Variants in IDH1 observed in about 807,000 individuals in gnomAD.
IDH1 encodes isocitrate dehydrogenase (NADP(+)) 1.
A neutral mutation model predicts 46.1 loss-of-function variants in IDH1; 33 were observed. That is an observed-to-expected ratio of 0.72 (90% CI 0.54 to 0.96). The LOEUF (loss-of-function observed/expected upper bound fraction) is 0.96. Among genes scored for constraint, IDH1 ranks in the 40% least tolerant of loss-of-function variants. The pLI is 0.00. For missense variants in IDH1, 421 were observed against 515.7 expected (o/e 0.82, Z 1.78); for synonymous variants, 144 against 172.8 (o/e 0.83, Z 1.31).
At chr2:208,245,546 C>CATTT in intron 4 of IDH1, 122 bp from the exon 5 acceptor site, 1 of 336,652 alleles carries the variant, frequency 3.0e-6, no homozygotes, top group Non-Finnish European at 5.4e-6. Flanking sequence ...TGTCAAACTT[C>CATTT]TTTTTTTTTT....
Position 208,236,639 on chromosome 2 carries a change from C to T in IDH1, c.*440G>A, listed in dbSNP as rs912805443. The T allele has an allele frequency of 1.9e-5, 5 of 261,554 alleles. No homozygotes were observed. Among genetic ancestry groups the T allele is most frequent in the Middle Eastern group, 1.1e-3 (1 of 904 alleles). The allele number at this position is 261,554 out of a possible 1,614,324, so 16.2% of individuals were successfully genotyped here. Reference sequence around the variant, plus strand: ...TAATGCACAGCTCTACCTCACAAAACGGGATATCTATGACACCAGAACTTC... The same window carrying T: ...TAATGCACAGCTCTACCTCACAAAATGGGATATCTATGACACCAGAACTTC... On this transcript the variant is annotated 3_prime_UTR_variant, in exon 10 of 10. Coordinates refer to ENST00000345146, the MANE Select transcript of IDH1 (RefSeq NM_005896.4).
chr2:208,240,677 G>C (rs1053289654), intron 7 of IDH1, among the ~76,000 whole-genome samples: 3 of 152,044 alleles, frequency 2.0e-5, no homozygotes, highest in Admixed American at 6.6e-5. Flanking sequence ...GTTTCTTATT[G>C]AAAGAACCAC....
intron 6 of IDH1, among the ~76,000 whole-genome samples, chr2:208,242,815 A>T (rs555529646): frequency 6.7e-6 from 1 of 149,462 alleles, no homozygotes; most frequent in South Asian, 2.1e-4. Context: ...CCCAGGCTGC[A>T]GTGCAGTGGC....
intron 7 of IDH1, 63 bp from the exon 8 acceptor site, chr2:208,240,066 G>A: frequency 6.4e-7 from 1 of 1,552,632 alleles, no homozygotes; most frequent in Middle Eastern, 1.7e-4. Flanking sequence ...GTCTCTCAGA[G>A]ATGAGAGCAT....
chr2:208,239,788 A>G (rs978044228), intron 8 of IDH1, 75 bp downstream of exon 8: 7 of 1,451,824 alleles, frequency 4.8e-6, no homozygotes, highest in Non-Finnish European at 6.8e-6. Context: ...CAAAACACTG[A>G]GCAGCCAAGG....
intron 5 of IDH1, 93 bp from the exon 6 acceptor site, chr2:208,243,697 A>T (rs1308744724): frequency 3.0e-6 from 3 of 994,016 alleles, no homozygotes; most frequent in Non-Finnish European, 4.7e-6. Context: ...CAACCAAATG[A>T]CCTACTTCTC....
At position 208,245,363 on chromosome 2, in the gene IDH1, C is replaced by T. The variant is rs1290536550; in HGVS notation, c.476G>A (p.Ser159Asn). The T allele has an allele frequency of 6.2e-7, 1 of 1,612,292 alleles. No homozygotes were observed. The highest frequency in any genetic ancestry group is 8.5e-7 in the Non-Finnish European group (1 of 1,179,178). Residue 159 changes from serine to asparagine, a missense_variant, in exon 5 of 10, where the codon AGT (serine) becomes AAT (asparagine). Transcript: ENST00000345146. Reference protein sequence around the residue: ...PGKVEITYTPSDGTQKVTYLV... With the variant: ...PGKVEITYTPNDGTQKVTYLV... The stretch of plus-strand genomic sequence containing the variant: ...GTATGTCACCTTTTGGGTTCCGTCA[C>T]TTGGTGTGTAGGTTATCTCTACTTT...
intron 2 of IDH1, 26 bp from the exon 3 acceptor site, chr2:208,251,593 C>A (rs745513295): frequency 1.9e-6 from 3 of 1,578,864 alleles, no homozygotes; most frequent in Non-Finnish European, 2.6e-6. Context: ...AAATACATGC[C>A]TTGTCATTTA....
At chr2:208,254,133 A>T (rs1215925318) in intron 1 of IDH1, 174 bp from the exon 2 acceptor site, 1 of 152,374 alleles carries the variant, frequency 6.6e-6, no homozygotes, top group Non-Finnish European at 1.5e-5. Context: ...AATAAAGGTC[A>T]TGGGAGCACA....
At chr2:208,247,017 C>T (rs536481822) in intron 4 of IDH1, among the ~76,000 whole-genome samples, 1 of 152,234 alleles carries the variant, frequency 6.6e-6, no homozygotes, top group East Asian at 1.9e-4. Context: ...GTGATTTTTA[C>T]AAGATTAGCG....
At chr2:208,245,611 A>G (rs1688004490) in intron 4 of IDH1, among the ~76,000 whole-genome samples, 187 bp from the exon 5 acceptor site, 1 of 146,442 alleles carries the variant, frequency 6.8e-6, no homozygotes, top group Non-Finnish European at 1.5e-5. Flanking sequence ...AAATCAGTAA[A>G]TATTTATTAG....
In IDH1 at chr2:208,248,570, G is replaced by C. The variant is rs372625136; in HGVS notation, c.213C>G (p.Val71=). 29 of 1,614,024 alleles carry C rather than the reference G, an allele frequency of 1.8e-5. No homozygotes were observed. Among genetic ancestry groups the C allele is most frequent in the Non-Finnish European group, 2.4e-5 (28 of 1,179,996 alleles). ...CATCAGGAGTGATAGTGGCACATTT[G>C]ACGCCAACATTATGCTTCTTTATAG... ...AEAIKKHNVG[V]KCATITPDEK... Residue 71 remains valine (V), a synonymous_variant, in exon 4 of 10, where the codon GTC becomes GTG. Transcript: ENST00000345146.
At chr2:208,243,327 C>A in intron 6 of IDH1, 100 bp downstream of exon 6, 1 of 961,546 alleles carries the variant, frequency 1.0e-6, no homozygotes, top group South Asian at 1.4e-5. Flanking sequence ...GATTTTCACT[C>A]AATTTACCCA....
At chr2:208,251,773 G>C (rs762157500) in intron 2 of IDH1, among the ~76,000 whole-genome samples, 1 of 151,950 alleles carries the variant, frequency 6.6e-6, no homozygotes, top group Non-Finnish European at 1.5e-5. Flanking sequence ...AAAGTATTGT[G>C]TTATGTTTCA....
intron 6 of IDH1, 55 bp downstream of exon 6, chr2:208,243,372 G>T: frequency 1.5e-6 from 2 of 1,290,986 alleles, no homozygotes; most frequent in Non-Finnish European, 1.1e-6. Flanking sequence ...TACTCTATAT[G>T]CAAATGTCAG....
At chr2:208,245,728 T>C (rs149246134) in intron 4 of IDH1, among the ~76,000 whole-genome samples, 1 of 143,580 alleles carries the variant, frequency 7.0e-6, no homozygotes, top group Non-Finnish European at 1.5e-5. Context: ...TAAAGACATA[T>C]ATAAGTGAAA....
intron 4 of IDH1, 82 bp downstream of exon 4, chr2:208,248,287 G>T: frequency 7.9e-7 from 1 of 1,257,968 alleles, no homozygotes; most frequent in Non-Finnish European, 1.2e-6. Context: ...CAAAAGATAA[G>T]AATAAAACAC....
chr2:208,241,661 C>T (rs1172452274), intron 7 of IDH1, among the ~76,000 whole-genome samples: 3 of 152,128 alleles, frequency 2.0e-5, no homozygotes, highest in Non-Finnish European at 4.4e-5. Flanking sequence ...CTCACTTTAT[C>T]CCTCCTTGCC....
At chr2:208,240,185 C>T in intron 7 of IDH1, 182 bp from the exon 8 acceptor site, 2 of 672,942 alleles carry the variant, frequency 3.0e-6, no homozygotes, top group South Asian at 3.2e-5. Context: ...GATATCAGAG[C>T]CAATGGGTCT....
Sources: gnomAD v4.1 joint callset for allele counts (sites outside exome capture counted in the v4.1 genomes callset) on GRCh38, gnomAD v4.1.1 for gene constraint, MANE v1.5 for transcripts, NCBI Gene and HGNC (gene_info 2026-07-23, HGNC 2026-07-21) for gene names.